Variants in PARD3B observed in about 807,000 individuals in gnomAD.
The protein encoded by PARD3B is partitioning defective 3 homolog B.
A neutral mutation model predicts 130.2 loss-of-function variants in PARD3B; 103 were observed. The ratio of observed to expected loss-of-function variants is 0.79; its 90% CI spans 0.67 to 0.93. PARD3B has a LOEUF of 0.93. Ranked by LOEUF, PARD3B falls within the 40% of genes least tolerant of loss-of-function variation. The pLI, the probability that PARD3B is intolerant of heterozygous loss-of-function variation, is 0.00. For missense variants in PARD3B, 1,609 were observed against 1,499.2 expected (o/e 1.07, Z -1.21); for synonymous variants, 583 against 553.2 (o/e 1.05, Z -0.76).
chr2:204,758,621 T>C (rs957596824), intron 2 of PARD3B, among the ~76,000 whole-genome samples: 20 of 152,204 alleles, frequency 1.3e-4, no homozygotes, highest in Admixed American at 1.1e-3. Context: ...GGTATGAGTA[T>C]ATTTTAAGGC....
In PARD3B at chr2:205,440,440, A is replaced by G; in HGVS notation, c.2812A>G (p.Ile938Val). 2 of 1,614,104 alleles carry G rather than the reference A, an allele frequency of 1.2e-6. No individual in the cohort carries two copies. The highest frequency in any genetic ancestry group is 1.7e-6 in the Non-Finnish European group (2 of 1,179,966). The change falls in exon 20 of 23, where the codon ATT becomes GTT. Residue 938 changes from isoleucine (I) to valine (V), a missense_variant. Ile to Val is a conservative substitution (Grantham distance 29). Transcript: ENST00000406610. The surrounding 1 kb of genome is among the most constrained non-coding windows in gnomAD (Gnocchi z 4.2). ...RGLLDYATGA[I>V]GSVYDMDDDE... ...TCTTCTTGATTATGCTACTGGTGCAATTGGATCAGTGTATGATATGGATGA... is the reference window on the plus strand; with the variant it reads ...TCTTCTTGATTATGCTACTGGTGCAGTTGGATCAGTGTATGATATGGATGA...
Position 205,440,802 on chromosome 2 carries a change from T to G in PARD3B, c.3044+130T>G. The stretch of plus-strand genomic sequence containing the variant: ...GAAACGAGTCAGTACCCTAGACAAG[T>G]GCCATCCTTTGACCGACCTGTAAGA... On this transcript the variant is annotated intron_variant, in intron 20 of 22. Transcript: ENST00000406610. This position sits in a 1 kb window ranked among gnomAD's most constrained non-coding sequence, Gnocchi z 4.2. 1 of 957,790 alleles carries G rather than the reference T, an allele frequency of 1.0e-6. No homozygotes were observed. 59.3% of individuals were successfully genotyped at this position (957,790 alleles called of 1,614,324 possible).
At chr2:205,065,167 C>G (rs1700291146) in intron 4 of PARD3B, among the ~76,000 whole-genome samples, 1 of 152,158 alleles carries the variant, frequency 6.6e-6, no homozygotes, top group Non-Finnish European at 1.5e-5. Context: ...CACATTGGTG[C>G]TTAGAGGGAA....
chr2:205,543,527 CAG>C (rs2052256689), intron 21 of PARD3B, among the ~76,000 whole-genome samples: 1 of 152,150 alleles, frequency 6.6e-6, no homozygotes, highest in South Asian at 2.1e-4. Flanking sequence ...ATTTAGGAAA[CAG>C]AGTGACAGTA....
chr2:205,583,407 G>GCA (rs58967072), intron 22 of PARD3B, among the ~76,000 whole-genome samples: 2,903 of 93,380 alleles, frequency 0.031, 77 homozygotes, highest in African/African-American at 0.086. Context: ...GTGTGCGCGC[G>GCA]CACGCGCGTG....
rs1325386830 is a variant in PARD3B, at chr2:205,268,690, A to C, written c.2185+22868A>C. Among the ~76,000 whole-genome samples, 2 of 152,198 alleles carry C rather than the reference A, an allele frequency of 1.3e-5. No individual in the cohort carries two copies. Among genetic ancestry groups the C allele is most frequent in the Non-Finnish European group, 2.9e-5 (2 of 68,026 alleles). ...TTCTGAGATATATGATGAGTCCAAA[A>C]TAAGTTTTAAAATAAAATGAAGTAT... is the stretch of plus-strand genomic sequence containing the variant. On this transcript the variant is annotated intron_variant, in intron 16 of 22. Coordinates refer to ENST00000406610, the MANE Select transcript of PARD3B (RefSeq NM_001302769.2). This position sits in a 1 kb window ranked among gnomAD's most constrained non-coding sequence, Gnocchi z 4.1.
intron 2 of PARD3B, among the ~76,000 whole-genome samples, chr2:204,783,816 C>T (rs1487754017): frequency 6.6e-6 from 1 of 152,052 alleles, no homozygotes; most frequent in Admixed American, 6.6e-5. Context: ...TATTCTGCCT[C>T]TAAAATTGTG....
At chr2:204,944,387 G>A (rs1319769593) in intron 2 of PARD3B, among the ~76,000 whole-genome samples, 1 of 152,172 alleles carries the variant, frequency 6.6e-6, no homozygotes, top group East Asian at 1.9e-4. Flanking sequence ...ACCTGAAAGG[G>A]CAAGGAGATG....
intron 16 of PARD3B, among the ~76,000 whole-genome samples, chr2:205,270,771 C>G (rs914342025): frequency 6.6e-6 from 1 of 151,966 alleles, no homozygotes; most frequent in African/African-American, 2.4e-5. Flanking sequence ...TGCAGTAGAT[C>G]TAGGCAAAAC....
chr2:204,817,499 G>A (rs1260757767), intron 2 of PARD3B, among the ~76,000 whole-genome samples: 1 of 152,088 alleles, frequency 6.6e-6, no homozygotes, highest in African/African-American at 2.4e-5. Flanking sequence ...TGAATCTTGA[G>A]CATTTCAGTG....
At chr2:205,534,346 A>G (rs948648006) in intron 21 of PARD3B, among the ~76,000 whole-genome samples, 1 of 152,184 alleles carries the variant, frequency 6.6e-6, no homozygotes, top group Non-Finnish European at 1.5e-5. Context: ...TGGTCGGAGA[A>G]GGCTAAGGGA....
intron 15 of PARD3B, among the ~76,000 whole-genome samples, chr2:205,202,214 G>C (rs2037031785): frequency 6.6e-6 from 1 of 152,158 alleles, no homozygotes. Context: ...TAGAAATATA[G>C]ATCACTATAA....
intron 10 of PARD3B, among the ~76,000 whole-genome samples, chr2:205,126,677 C>T (rs960019505): frequency 7.1e-6 from 1 of 141,598 alleles, no homozygotes; most frequent in Non-Finnish European, 1.5e-5. Context: ...ACCCGGGAAG[C>T]GGAGCTTGCA....
intron 16 of PARD3B, among the ~76,000 whole-genome samples, chr2:205,266,163 A>C (rs1396743521): frequency 6.6e-6 from 1 of 152,114 alleles, no homozygotes; most frequent in Non-Finnish European, 1.5e-5. Context: ...TGTCTCCCAG[A>C]CCCACCAAAT....
intron 2 of PARD3B, among the ~76,000 whole-genome samples, chr2:204,878,341 A>G (rs1311200710): frequency 1.3e-5 from 2 of 152,324 alleles, no homozygotes; most frequent in East Asian, 3.9e-4. Flanking sequence ...TTAAATTCTT[A>G]TTAGACTTAG....
At chr2:204,919,141 G>A (rs1474981758) in intron 2 of PARD3B, among the ~76,000 whole-genome samples, 3 of 152,010 alleles carry the variant, frequency 2.0e-5, no homozygotes, top group Admixed American at 2.0e-4. Context: ...CATCTTTCAA[G>A]GCGTCTTATT....
intron 1 of PARD3B, among the ~76,000 whole-genome samples, chr2:204,681,432 T>A (rs1574689258): frequency 6.6e-6 from 1 of 152,252 alleles, no homozygotes; most frequent in East Asian, 1.9e-4. Context: ...AAACATACTG[T>A]AGTTAATTCA....
chr2:205,201,787 A>C (rs758330703), intron 15 of PARD3B, among the ~76,000 whole-genome samples: 10 of 152,244 alleles, frequency 6.6e-5, no homozygotes, highest in Admixed American at 1.3e-4. Flanking sequence ...CGGTGAGCGG[A>C]GATCACGCCA....
intron 20 of PARD3B, among the ~76,000 whole-genome samples, chr2:205,484,287 G>A (rs932847349): frequency 2.6e-5 from 4 of 152,124 alleles, no homozygotes; most frequent in South Asian, 2.1e-4. Flanking sequence ...AAATCCTCTA[G>A]GGAAATGTTT....
Sources: gnomAD v4.1 joint callset for allele counts (sites outside exome capture counted in the v4.1 genomes callset) on GRCh38, gnomAD v4.1.1 for gene constraint, Gnocchi (gnomAD v3.1) non-coding constraint, MANE v1.5 for transcripts, NCBI Gene and HGNC (gene_info 2026-07-23, HGNC 2026-07-21) for gene names.